Variants in SHB observed in about 807,000 individuals in gnomAD.
SHB encodes the protein SH2 domain-containing adapter protein B.
Under a neutral mutation model 52.3 loss-of-function variants are expected in SHB, and 20 were observed. That is an observed-to-expected ratio of 0.38 (90% CI 0.27 to 0.56). The LOEUF is 0.56. Among genes scored for constraint, SHB ranks in the 20% least tolerant of loss-of-function variants. SHB has a pLI of 0.71. For missense variants in SHB, 825 were observed against 723.3 expected, an observed-to-expected ratio of 1.14 and a Z score of -1.61; for synonymous variants, 397 against 316.5, an observed-to-expected ratio of 1.25 and a Z score of -2.70.
At chr9:37,965,202 G>A (rs1832735477) in intron 3 of SHB, among the ~76,000 whole-genome samples, 1 of 152,230 alleles carries the variant, frequency 6.6e-6, no homozygotes, top group African/African-American at 2.4e-5. Context: ...GGAGAGATGG[G>A]GAGTGGAGGT....
chr9:38,027,197 A>G (rs1821352742), intron 1 of SHB, among the ~76,000 whole-genome samples: 1 of 150,060 alleles, frequency 6.7e-6, no homozygotes, highest in Non-Finnish European at 1.5e-5. Context: ...AACCAGGGGC[A>G]GGGCAGGGCA....
intron 3 of SHB, among the ~76,000 whole-genome samples, chr9:37,967,525 A>G (rs1001829241): frequency 6.6e-6 from 1 of 152,144 alleles, no homozygotes; most frequent in Non-Finnish European, 1.5e-5. Flanking sequence ...AGGGGAAGGA[A>G]CCGGTTGTGT....
chr9:37,959,307 C>T (rs531041853), intron 3 of SHB, among the ~76,000 whole-genome samples: 20 of 152,280 alleles, frequency 1.3e-4, no homozygotes, highest in African/African-American at 4.6e-4. Context: ...CTAGCCTGCA[C>T]TTCTCCATGA....
At chr9:38,013,409 C>T (rs180910898) in intron 2 of SHB, among the ~76,000 whole-genome samples, 1 of 152,242 alleles carries the variant, frequency 6.6e-6, no homozygotes, top group Non-Finnish European at 1.5e-5. Context: ...CCAGACCAGC[C>T]TAGATGACAC....
chr9:38,029,017 G>A (rs539275950), intron 1 of SHB, among the ~76,000 whole-genome samples: 3 of 152,254 alleles, frequency 2.0e-5, no homozygotes, highest in African/African-American at 7.2e-5. Flanking sequence ...CAGGCCCAGG[G>A]AACCCTCCTT....
intron 1 of SHB, 45 bp from the exon 2 acceptor site, chr9:38,016,176 T>C (rs1821208991): frequency 6.2e-7 from 1 of 1,608,022 alleles, no homozygotes; most frequent in Admixed American, 1.7e-5. Context: ...TTTGGCTTTT[T>C]TGTTTCACAT....
chr9:38,021,384 G>A (rs1366591026), intron 1 of SHB, among the ~76,000 whole-genome samples: 2 of 146,136 alleles, frequency 1.4e-5, no homozygotes, highest in African/African-American at 2.5e-5. Context: ...GGCTGGGCAC[G>A]GTGGCTCACA....
intron 1 of SHB, among the ~76,000 whole-genome samples, chr9:38,046,765 C>G (rs1301152335): frequency 6.6e-6 from 1 of 152,216 alleles, no homozygotes; most frequent in East Asian, 1.9e-4. Flanking sequence ...TAATTGGGGA[C>G]AACAGTCATA....
chr9:38,054,889 C>A (rs1821795725), intron 1 of SHB, among the ~76,000 whole-genome samples: 1 of 152,196 alleles, frequency 6.6e-6, no homozygotes, highest in Non-Finnish European at 1.5e-5. Flanking sequence ...GGTAACAAAT[C>A]TCAACATTGG....
intron 5 of SHB, 31 bp from the exon 6 acceptor site, chr9:37,920,035 AC>A (rs754660554): frequency 5.1e-6 from 8 of 1,574,748 alleles, no homozygotes; most frequent in Admixed American, 3.4e-5. Context: ...TATCAGAACT[AC>A]CCCCCTGACA....
chr9:38,018,192 T>C (rs1206068408), intron 1 of SHB, among the ~76,000 whole-genome samples: 1 of 152,202 alleles, frequency 6.6e-6, no homozygotes, highest in Non-Finnish European at 1.5e-5. Context: ...GCAGTCTCCA[T>C]AGTAATCTAG....
rs1832103047 is a variant in SHB at position 37,916,647 on chromosome 9, C to T, written c.*3174G>A. On this transcript the variant is annotated 3_prime_UTR_variant, in exon 6 of 6. Coordinates refer to ENST00000377707, the MANE Select transcript of SHB (RefSeq NM_003028.3). ...GGCCTGCCTCCTGAAGCCTCGGAGT[C>T]TTTGCACCCCTTTCCTGGGAACAGC... is the stretch of plus-strand genomic sequence containing the variant. Among the ~76,000 whole-genome samples, 1 of 152,258 alleles carries T rather than the reference C, an allele frequency of 6.6e-6. No individual in the cohort carries two copies. The highest frequency in any genetic ancestry group is 6.5e-5 in the Admixed American group (1 of 15,292).
At chr9:38,049,662 C>T (rs1821711317) in intron 1 of SHB, among the ~76,000 whole-genome samples, 1 of 150,828 alleles carries the variant, frequency 6.6e-6, no homozygotes, top group African/African-American at 2.4e-5. Flanking sequence ...AGGAAACAGG[C>T]TCAGAGAGGT....
intron 1 of SHB, among the ~76,000 whole-genome samples, chr9:38,049,668 G>A (rs1443973598): frequency 1.4e-5 from 2 of 147,844 alleles, no homozygotes; most frequent in Non-Finnish European, 3.0e-5. Flanking sequence ...CAGGCTCAGA[G>A]AGGTCAAGTG....
intron 2 of SHB, among the ~76,000 whole-genome samples, chr9:37,991,081 T>A (rs1311785780): frequency 6.6e-6 from 1 of 152,208 alleles, no homozygotes; most frequent in Non-Finnish European, 1.5e-5. Flanking sequence ...TAATTAAAAT[T>A]TTAAAAGGAA....
At chr9:38,017,402 A>C (rs1821226176) in intron 1 of SHB, among the ~76,000 whole-genome samples, 4 of 152,234 alleles carry the variant, frequency 2.6e-5, no homozygotes, top group Admixed American at 2.6e-4. Flanking sequence ...AGGGGCCTGC[A>C]AACTCAGGGG....
intron 1 of SHB, among the ~76,000 whole-genome samples, chr9:38,036,241 A>G (rs1204481491): frequency 6.6e-6 from 1 of 152,200 alleles, no homozygotes; most frequent in East Asian, 1.9e-4. Flanking sequence ...CGCATGGGGC[A>G]CTGCCCTCTC....
chr9:37,999,746 C>G (rs1820990339), intron 2 of SHB, among the ~76,000 whole-genome samples: 2 of 152,190 alleles, frequency 1.3e-5, no homozygotes, highest in Admixed American at 1.3e-4. Flanking sequence ...TGTGTGACTG[C>G]CACCACTACC....
chr9:37,983,040 T>C (rs897096142), intron 2 of SHB, among the ~76,000 whole-genome samples: 1 of 150,698 alleles, frequency 6.6e-6, no homozygotes, highest in Non-Finnish European at 1.5e-5. Flanking sequence ...AACTATCTAC[T>C]GAATGCCCAG....
Sources: gnomAD v4.1 joint callset for allele counts (sites outside exome capture counted in the v4.1 genomes callset) on GRCh38, gnomAD v4.1.1 for gene constraint, MANE v1.5 for transcripts, NCBI Gene and HGNC (gene_info 2026-07-23, HGNC 2026-07-21) for gene names.